The following ZNF560 variants were observed in gnomAD, a reference collection of about 807,000 sequenced individuals.
The protein encoded by ZNF560 is zinc finger protein 560.
ZNF560 carries 54 observed loss-of-function variants against 81.8 expected under a neutral mutation model. The ratio of observed to expected loss-of-function variants is 0.66; its 90% CI spans 0.53 to 0.83. ZNF560 has a LOEUF of 0.83. ZNF560 is among the 40% of genes least tolerant of loss of function. The probability of loss-of-function intolerance (pLI) is 0.00; values close to 1 mark genes in which losing one functional copy is unlikely to be tolerated. For synonymous variants in ZNF560, 321 were observed against 317.9 expected (o/e 1.01, Z -0.10); for missense variants, 940 against 932.4 (o/e 1.01, Z -0.11).
chr19:9,459,106 A>G, the ZNF560 span, among the ~76,000 whole-genome samples: 8 of 152,358 alleles, frequency 5.3e-5, no homozygotes, highest in Admixed American at 6.5e-5. Flanking sequence ...TGGAATATTG[A>G]AGACATTACT....
At chr19:9,459,093 A>G in the ZNF560 span, among the ~76,000 whole-genome samples, 1 of 152,308 alleles carries the variant, frequency 6.6e-6, no homozygotes, top group South Asian at 2.1e-4. Flanking sequence ...ATTTTTCTCT[A>G]TATGGAATAT....
chr19:9,461,591 C>T (rs991778170), downstream of ZNF560, among the ~76,000 whole-genome samples: 4 of 152,194 alleles, frequency 2.6e-5, no homozygotes, highest in African/African-American at 9.7e-5. Context: ...GAATTCTACT[C>T]TGCTGTGGAA....
At chr19:9,480,808 G>T (rs2073275818) in intron 2 of ZNF560, among the ~76,000 whole-genome samples, 1 of 152,066 alleles carries the variant, frequency 6.6e-6, no homozygotes. Context: ...AGCTGGGACT[G>T]GGCATGGTGG....
chr19:9,495,890 G>GA (rs566459135), intron 2 of ZNF560, among the ~76,000 whole-genome samples: 355 of 151,976 alleles, frequency 2.3e-3, no homozygotes, highest in Admixed American at 6.0e-3. Flanking sequence ...CAAACAAACA[G>GA]AAAAAACAAA....
chr19:9,486,961 T>C (rs1191432592), intron 2 of ZNF560, among the ~76,000 whole-genome samples: 1 of 152,174 alleles, frequency 6.6e-6, no homozygotes, highest in African/African-American at 2.4e-5. Context: ...TTATGCCCCT[T>C]CCTTATTTGG....
upstream of ZNF560, among the ~76,000 whole-genome samples, chr19:9,503,487 G>C (rs115876570): frequency 6.8e-3 from 1,036 of 152,214 alleles, 9 homozygotes; most frequent in African/African-American, 0.023. Context: ...TCTTCACATA[G>C]TGCAAAAGGA....
At chr19:9,485,241 AAT>A (rs925111197) in intron 2 of ZNF560, among the ~76,000 whole-genome samples, 3 of 152,212 alleles carry the variant, frequency 2.0e-5, no homozygotes, top group Non-Finnish European at 4.4e-5. Context: ...CTTACAGGCC[AAT>A]ATCCCTAAGT....
chr19:9,482,713 G>A (rs914715724), intron 2 of ZNF560, among the ~76,000 whole-genome samples: 8 of 148,200 alleles, frequency 5.4e-5, no homozygotes, highest in Middle Eastern at 6.9e-3. Context: ...CTGATGCCGA[G>A]CCGAAGCTGG....
At chr19:9,500,240 C>G (rs2073621408), upstream of ZNF560, among the ~76,000 whole-genome samples, 2 of 151,710 alleles carry the variant, frequency 1.3e-5, no homozygotes, top group African/African-American at 4.8e-5. Flanking sequence ...AAAAAATTAG[C>G]CAGGCGTGGT....
intron 2 of ZNF560, among the ~76,000 whole-genome samples, chr19:9,484,151 CTG>C (rs1310637385): frequency 6.6e-6 from 1 of 152,214 alleles, no homozygotes; most frequent in African/African-American, 2.4e-5. Context: ...GACACAAACA[CTG>C]TGGAAGGCCC....
intron 3 of ZNF560, 91 bp from the exon 4 acceptor site, chr19:9,474,416 A>C (rs2073168260): frequency 1.4e-5 from 20 of 1,418,218 alleles, no homozygotes; most frequent in Non-Finnish European, 1.7e-5. Flanking sequence ...ATGCCTATAA[A>C]GAGTTGTGAG....
chr19:9,476,004 C>A (rs10413314), intron 2 of ZNF560, among the ~76,000 whole-genome samples: 7,337 of 152,206 alleles, frequency 0.048, 602 homozygotes, highest in African/African-American at 0.17. Flanking sequence ...TCAAAGAACA[C>A]ACTTAAGGGG....
intron 2 of ZNF560, among the ~76,000 whole-genome samples, chr19:9,489,516 A>G (rs890237975): frequency 1.3e-5 from 2 of 152,036 alleles, no homozygotes; most frequent in Non-Finnish European, 2.9e-5. Flanking sequence ...ATCACTTGTC[A>G]GACAGGGCGG....
downstream of ZNF560, among the ~76,000 whole-genome samples, chr19:9,464,811 A>T (rs984849410): frequency 3.4e-4 from 52 of 152,306 alleles, no homozygotes; most frequent in Non-Finnish European, 2.6e-4. Context: ...GGGGTGTAAG[A>T]AACTTCCAAA....
rs2073166231 is a variant in ZNF560 at position 9,474,284 on chromosome 19, C to G, written c.72G>C (p.Gln24His). The G allele has an allele frequency of 6.2e-7, 1 of 1,614,008 alleles. No individual in the cohort carries two copies. Among genetic ancestry groups the G allele is most frequent in the Admixed American group, 1.7e-5 (1 of 59,996 alleles). The change falls in exon 4 of 10, where the codon CAG becomes CAC. Residue 24 changes from glutamine (Q) to histidine (H), a missense_variant. Physicochemically the swap from Gln to His is conservative, Grantham distance 24 (BLOSUM62 0). Transcript: ENST00000301480. ...CTGGGTCCAGTAAAATCCACTCCTC[C>G]TGGGTGAAGTCCACAGCTGTATCCT... ...TFEDTAVDFTQEEWILLDPVQ... is the reference protein window; with the variant it reads ...TFEDTAVDFTHEEWILLDPVQ...
intron 2 of ZNF560, among the ~76,000 whole-genome samples, chr19:9,483,538 G>T (rs1391251318): frequency 6.7e-6 from 1 of 149,864 alleles, no homozygotes; most frequent in Non-Finnish European, 1.5e-5. Flanking sequence ...GGGGGGTGGG[G>T]GGTCAGCCCC....
At chr19:9,479,543 A>G (rs184681796) in intron 2 of ZNF560, among the ~76,000 whole-genome samples, 1 of 152,302 alleles carries the variant, frequency 6.6e-6, no homozygotes, top group East Asian at 1.9e-4. Context: ...AATCAATAAG[A>G]TAGAATAATT....
In ZNF560 at chr19:9,494,491, T is replaced by C. The variant is rs529084633; in HGVS notation, c.-57+3637A>G. ...GGCTCACCCCTGTAATCCCAGCACT[T>C]TGGGAGGCCAACGTGGGTGGATCAC... On this transcript the variant is annotated intron_variant, in intron 2 of 9. Transcript: ENST00000301480. Among the ~76,000 whole-genome samples the C allele has an allele frequency of 8.5e-5, 13 of 152,270 alleles. No individual in the cohort carries two copies. The South Asian group carries it at 2.7e-3, about 32-fold the overall frequency.
chr19:9,487,541 G>C (rs1478120470), intron 2 of ZNF560, among the ~76,000 whole-genome samples: 1 of 152,182 alleles, frequency 6.6e-6, no homozygotes, highest in African/African-American at 2.4e-5. Context: ...TCCTAGAAAG[G>C]GAGGCATGCC....
Sources: gnomAD v4.1 joint callset for allele counts (sites outside exome capture counted in the v4.1 genomes callset) on GRCh38, gnomAD v4.1.1 for gene constraint, MANE v1.5 for transcripts, NCBI Gene and HGNC (gene_info 2026-07-23, HGNC 2026-07-21) for gene names.